The following TPST2 variants were observed in gnomAD, a reference collection of about 807,000 sequenced individuals.
The protein encoded by TPST2 is tyrosylprotein sulfotransferase 2, also known as protein-tyrosine sulfotransferase 2.
A neutral mutation model predicts 27.8 loss-of-function variants in TPST2; 16 were observed. The observed-to-expected ratio is 0.58, with a 90% CI of 0.39 to 0.88. The LOEUF is 0.88. Ranked by LOEUF, TPST2 falls within the 40% of genes least tolerant of loss-of-function variation. TPST2 has a pLI of 0.00. For synonymous variants in TPST2, 229 were observed against 231.7 expected, an observed-to-expected ratio of 0.99 and a Z score of 0.10; for missense variants, 464 against 543.1, an observed-to-expected ratio of 0.85 and a Z score of 1.45.
In TPST2 at chr22:26,536,339, G is replaced by C. The variant is rs188069969; in HGVS notation, c.990C>G (p.Asn330Lys). The change falls in exon 4 of 7, where the codon AAC becomes AAG. Residue 330 changes from asparagine (N) to lysine (K), a missense_variant. Physicochemically the swap from Asn to Lys is moderately conservative, Grantham distance 94 (BLOSUM62 0). Transcript: ENST00000338754. ...GGTCAGGGTTGCCATAGTTGGGGGG[G>C]TTTGCATAAGGGTCATAGCCGAGCT... ...LAQLGYDPYA[N>K]PPNYGNPDPF... 1.2e-6 allele frequency: 2 copies of C among 1,614,140 alleles called. No individual in the cohort carries two copies. Among genetic ancestry groups the C allele is most frequent in the Admixed American group, 3.3e-5 (2 of 60,026 alleles).
At chr22:26,534,051 T>C (rs1925315651) in intron 4 of TPST2, among the ~76,000 whole-genome samples, 1 of 152,206 alleles carries the variant, frequency 6.6e-6, no homozygotes, top group Non-Finnish European at 1.5e-5. Flanking sequence ...TTTTTTGTCC[T>C]AAGCCTTCAA....
chr22:26,559,150 G>A (rs1926956781), intron 1 of TPST2, among the ~76,000 whole-genome samples: 1 of 152,230 alleles, frequency 6.6e-6, no homozygotes, highest in South Asian at 2.1e-4. Context: ...GCGATCACCT[G>A]AGGTCAGGAG....
intron 1 of TPST2, among the ~76,000 whole-genome samples, chr22:26,554,010 A>G (rs1036100777): frequency 1.3e-4 from 20 of 152,104 alleles, no homozygotes; most frequent in African/African-American, 4.6e-4. Flanking sequence ...AGCCAACAAT[A>G]TATTTTGACC....
chr22:26,586,204 G>C (rs974768211), intron 1 of TPST2, among the ~76,000 whole-genome samples: 4 of 151,778 alleles, frequency 2.6e-5, no homozygotes, highest in African/African-American at 9.7e-5. Flanking sequence ...TTCCCACCCC[G>C]TCTCCATGTC....
At chr22:26,588,848 G>A (rs535914156) in intron 1 of TPST2, among the ~76,000 whole-genome samples, 8 of 152,142 alleles carry the variant, frequency 5.3e-5, no homozygotes, top group Admixed American at 5.2e-4. Context: ...GAGATGAAAG[G>A]GTTATCACAT....
At chr22:26,571,223 A>G (rs1927611504) in intron 1 of TPST2, among the ~76,000 whole-genome samples, 1 of 152,084 alleles carries the variant, frequency 6.6e-6, no homozygotes, top group Non-Finnish European at 1.5e-5. Context: ...TGTCACTCAA[A>G]CACACAAGCA....
rs539910544 is a variant in TPST2 at position 26,563,611 on chromosome 22, G to C, written c.-160-18936C>G. ...CCTAAAATGCTGGGATTACAGGCGT[G>C]AGCCACCACGCCCGGCCCTCCCTCC... On this transcript the variant is annotated intron_variant, in intron 1 of 6. Transcript: ENST00000338754. 5.9e-5 allele frequency among the ~76,000 whole-genome samples: 9 copies of C among 151,434 alleles called. No individual in the cohort carries two copies. In the South Asian group the frequency reaches 1.9e-3, roughly 32 times the overall value.
At chr22:26,569,549 G>C (rs1432384731) in intron 1 of TPST2, among the ~76,000 whole-genome samples, 1 of 152,178 alleles carries the variant, frequency 6.6e-6, no homozygotes, top group East Asian at 1.9e-4. Flanking sequence ...TTGGGAGGCT[G>C]AGGCAAGAGG....
At chr22:26,550,628 T>G (rs529808238) in intron 1 of TPST2, 2 of 985,660 alleles carry the variant, frequency 2.0e-6, no homozygotes, top group East Asian at 2.3e-4. Flanking sequence ...GCCCACGTGC[T>G]CAGGCTCAGC....
intron 1 of TPST2, among the ~76,000 whole-genome samples, chr22:26,557,908 G>A (rs555121034): frequency 5.2e-4 from 79 of 150,542 alleles, no homozygotes; most frequent in African/African-American, 1.8e-3. Context: ...TTAGCCGGGT[G>A]TGGTGGCATG....
intron 1 of TPST2, among the ~76,000 whole-genome samples, chr22:26,557,140 G>A (rs1377637652): frequency 6.6e-6 from 1 of 152,234 alleles, no homozygotes; most frequent in African/African-American, 2.4e-5. Context: ...TGTGACCTTG[G>A]CTACTAAGTT....
At chr22:26,585,247 A>T (rs552288560) in intron 1 of TPST2, among the ~76,000 whole-genome samples, 28 of 152,296 alleles carry the variant, frequency 1.8e-4, no homozygotes, top group African/African-American at 5.5e-4. Flanking sequence ...TTACTGATAC[A>T]AAGTCACTCG....
intron 1 of TPST2, among the ~76,000 whole-genome samples, chr22:26,577,727 C>T (rs564637001): frequency 2.6e-4 from 38 of 145,538 alleles, no homozygotes; most frequent in South Asian, 1.4e-3. Flanking sequence ...GGCACAAGCT[C>T]GGCTCACTGC....
At chr22:26,535,106 A>T (rs953539810) in intron 4 of TPST2, among the ~76,000 whole-genome samples, 3 of 152,376 alleles carry the variant, frequency 2.0e-5, no homozygotes, top group African/African-American at 7.2e-5. Flanking sequence ...AAGAGAGATC[A>T]GTGAGTGCTA....
rs12628350 is a variant in TPST2 at position 26,524,406 on chromosome 22, C to A, written c.*1869G>T. On this transcript the variant is annotated 3_prime_UTR_variant, in exon 7 of 7. Coordinates refer to ENST00000338754, the MANE Select transcript of TPST2 (RefSeq NM_003595.5). ...GGCACATGCCCAGCTACTCAGGAGG[C>A]TAAGATGGGAGGATCACCTGACCCT... 1 of 152,174 alleles carries A rather than the reference C, an allele frequency of 6.6e-6. No homozygotes were observed. Among genetic ancestry groups the A allele is most frequent in the African/African-American group, 2.4e-5 (1 of 41,482 alleles). The allele number at this position is 152,174 out of a possible 1,614,324, so 9.4% of individuals were successfully genotyped here.
chr22:26,568,935 C>G (rs1467684880), intron 1 of TPST2, among the ~76,000 whole-genome samples: 1 of 143,402 alleles, frequency 7.0e-6, no homozygotes, highest in Non-Finnish European at 1.5e-5. Flanking sequence ...CCGATCTCGG[C>G]TCACTGCAAG....
intron 1 of TPST2, among the ~76,000 whole-genome samples, chr22:26,583,858 T>C (rs939055705): frequency 6.6e-6 from 1 of 152,154 alleles, no homozygotes; most frequent in African/African-American, 2.4e-5. Flanking sequence ...AAAAATTGTT[T>C]TTAAAGCAAT....
rs140222556 is a variant in TPST2, at chr22:26,582,857, G to A, written c.-161+7196C>T. 2.0e-4 allele frequency among the ~76,000 whole-genome samples: 31 copies of A among 152,234 alleles called. 1 individual carries two copies. Among genetic ancestry groups the A allele is most frequent in the East Asian group, 1.7e-3 (9 of 5,176 alleles). Reference sequence around the variant, plus strand: ...CAAGCCTTGGCTTCTGGGAAATGGCGTGGTCAATAACAAATATCTCACTGT... The same window carrying A: ...CAAGCCTTGGCTTCTGGGAAATGGCATGGTCAATAACAAATATCTCACTGT... On this transcript the variant is annotated intron_variant, in intron 1 of 6. Coordinates refer to ENST00000338754, the MANE Select transcript of TPST2 (RefSeq NM_003595.5).
At chr22:26,560,455 A>G in intron 1 of TPST2, 1 of 720,942 alleles carries the variant, frequency 1.4e-6, no homozygotes, top group Non-Finnish European at 2.4e-6. Context: ...CTCCACAGAG[A>G]CAGCGCCGGG....
Sources: allele counts gnomAD v4.1 joint callset (sites outside exome capture counted in the v4.1 genomes callset), GRCh38; gene constraint gnomAD v4.1.1; transcripts MANE v1.5; gene names NCBI Gene and HGNC (gene_info 2026-07-23, HGNC 2026-07-21).